TRIM65: variants seen among roughly 807,000 people sequenced by gnomAD.
TRIM65 encodes the protein E3 ubiquitin-protein ligase TRIM65.
In TRIM65, 46 loss-of-function variants were observed where a neutral mutation model predicts 36.1. The observed-to-expected ratio is 1.27, with a 90% CI of 1.01 to 1.63. The LOEUF (loss-of-function observed/expected upper bound fraction) is 1.63, where lower values mean the gene tolerates loss of function less well. Among genes scored for constraint, TRIM65 ranks in the 40% most tolerant of loss-of-function variants. TRIM65 has a pLI of 0.00. For synonymous variants in TRIM65, 346 were observed against 313.6 expected (o/e 1.10, Z -1.09); for missense variants, 708 against 696.6 (o/e 1.02, Z -0.18).
chr17:75,896,469 C>T, intron 1 of TRIM65, 55 bp downstream of exon 1: 3 of 1,285,434 alleles, frequency 2.3e-6, no homozygotes, highest in South Asian at 2.2e-5. Context: ...AGTCACCCGG[C>T]GGTGGCCAGG....
intron 1 of TRIM65, among the ~76,000 whole-genome samples, chr17:75,895,021 C>T (rs553138773): frequency 5.3e-4 from 80 of 152,202 alleles, no homozygotes; most frequent in Admixed American, 9.2e-4. Context: ...GCCACAGGCC[C>T]GTCCCCTGGT....
At position 75,896,519 on chromosome 17, in the gene TRIM65, G is replaced by A. The variant is rs55861951; in HGVS notation, c.414+5C>T. 61,218 of 1,320,856 alleles carry A rather than the reference G, an allele frequency of 0.046. 1,864 individuals are homozygous for A. The highest frequency in any genetic ancestry group is 0.11 in the South Asian group (5,672 of 51,630). 81.8% of individuals were successfully genotyped at this position (1,320,856 alleles called of 1,614,324 possible). ...GACCCCTCCCGCTCCCGGCGGATGC[G>A]TCACCTCGCGCTTGAGGCGCTCGGC... On this transcript the variant is annotated splice_donor_5th_base_variant and intron_variant, in intron 1 of 5. Transcript: ENST00000269383.
chr17:75,892,708 G>C (rs750848640), intron 2 of TRIM65, 47 bp downstream of exon 2: 1 of 1,551,392 alleles, frequency 6.4e-7, no homozygotes, highest in Non-Finnish European at 8.8e-7. Flanking sequence ...GGCCGCCCCA[G>C]GATGCAGTGT....
chr17:75,890,599 C>T lies in TRIM65; in HGVS notation c.*180G>A. Reference sequence around the variant, plus strand: ...TTTATCCCCCTCCTAGACTGTGTCCCCTTCAAAAAGGCTGCAACAGTGAAC... The same window carrying T: ...TTTATCCCCCTCCTAGACTGTGTCCTCTTCAAAAAGGCTGCAACAGTGAAC... On this transcript the variant is annotated 3_prime_UTR_variant, in exon 6 of 6. Transcript: ENST00000269383. 1 of 557,894 alleles carries T rather than the reference C, an allele frequency of 1.8e-6. No homozygotes were observed. The highest frequency in any genetic ancestry group is 3.7e-5 in the Admixed American group (1 of 26,682). 34.6% of individuals were successfully genotyped at this position (557,894 alleles called of 1,614,324 possible).
intron 1 of TRIM65, among the ~76,000 whole-genome samples, chr17:75,895,077 C>A (rs1470291875): frequency 6.6e-6 from 1 of 152,206 alleles, no homozygotes; most frequent in African/African-American, 2.4e-5. Flanking sequence ...AGGCCAAACT[C>A]TGCCCTCCAC....
Position 75,892,757 on chromosome 17 carries a change from G to C in TRIM65, c.508C>G (p.Gln170Glu). The part of the protein sequence containing the change: ...LELRKQSSQI[Q>E]NSACILASWV... ...GCGGGCAGGCACAGGCCTCGTACCT[G>C]GATCTGGCTGCTTTGCTTGCGCAGC... Residue 170 changes from glutamine to glutamate, a missense_variant and splice_region_variant, in exon 2 of 6, where the codon CAG becomes GAG. Physicochemically the swap from Gln to Glu is conservative, Grantham distance 29 (BLOSUM62 2). Coordinates refer to ENST00000269383, the MANE Select transcript of TRIM65 (RefSeq NM_173547.4). 6.2e-7 allele frequency: 1 copy of C among 1,603,410 alleles called. No individual in the cohort carries two copies. The highest frequency in any genetic ancestry group is 8.5e-7 in the Non-Finnish European group (1 of 1,179,766).
chr17:75,894,257 C>T (rs1423988593), intron 1 of TRIM65, among the ~76,000 whole-genome samples: 1 of 152,280 alleles, frequency 6.6e-6, no homozygotes, highest in East Asian at 1.9e-4. Flanking sequence ...TCCCATCCAG[C>T]GTCCCTGCGC....
chr17:75,880,666 G>A (rs1026577657), intron 4 of TRIM65: 1 of 150,622 alleles, frequency 6.6e-6, no homozygotes, highest in African/African-American at 2.5e-5. Flanking sequence ...GTTGGAGAGA[G>A]GCCCAGGCCC....
Position 75,890,578 on chromosome 17 carries a change from T to C in TRIM65, c.*201A>G, listed in dbSNP as rs2065250319. The C allele has an allele frequency of 4.0e-6, 2 of 502,026 alleles. No homozygotes were observed. The highest frequency in any genetic ancestry group is 3.4e-6 in the Non-Finnish European group (1 of 292,254). The allele number at this position is 502,026 out of a possible 1,614,324, so 31.1% of individuals were successfully genotyped here. A position where few individuals can be genotyped will look rare whatever the true frequency, so the allele number is the denominator to read the frequency against. ...CTCTGGGGCAAGGGCATCCCATTTA[T>C]CCCCCTCCTAGACTGTGTCCCCTTC... On this transcript the variant is annotated 3_prime_UTR_variant, in exon 6 of 6. Transcript: ENST00000269383.
intron 5 of TRIM65, 33 bp from the exon 6 acceptor site, chr17:75,891,380 G>A (rs1409752462): frequency 2.5e-6 from 4 of 1,606,464 alleles, no homozygotes; most frequent in Non-Finnish European, 3.4e-6. Flanking sequence ...AGTGGGCTGG[G>A]GGAAGACAGC....
intron 5 of TRIM65, 152 bp from the exon 6 acceptor site, chr17:75,891,499 A>C (rs1022334725): frequency 3.1e-5 from 27 of 859,194 alleles, no homozygotes; most frequent in Non-Finnish European, 4.5e-5. Context: ...GGAATCCTCT[A>C]TCAGCCCCGT....
At position 75,891,846 on chromosome 17, in the gene TRIM65, T is replaced by C; in HGVS notation, c.952A>G (p.Thr318Ala). 6.2e-7 allele frequency: 1 copy of C among 1,612,832 alleles called. No individual in the cohort carries two copies. Among genetic ancestry groups the C allele is most frequent in the Non-Finnish European group, 8.5e-7 (1 of 1,179,414 alleles). ...APGPLAPVPSTVCPLRRKLWQ... is the reference protein window; with the variant it reads ...APGPLAPVPSAVCPLRRKLWQ... ...AGTTTCCTCCTCAGTGGACAAACTG[T>C]GCTTGGGACCGGTGCCAGGGGACCT... Residue 318 changes from threonine (T) to alanine (A), a missense_variant, in exon 5 of 6, where the codon ACA (threonine) becomes GCA (alanine). Thr to Ala is a moderately conservative substitution (Grantham distance 58, BLOSUM62 0). Transcript: ENST00000269383.
chr17:75,881,714 C>T (rs767782012), intron 4 of TRIM65, among the ~76,000 whole-genome samples: 1 of 150,572 alleles, frequency 6.6e-6, no homozygotes, highest in Non-Finnish European at 1.5e-5. Context: ...GTGCAATCTG[C>T]TCCTGGGGGC....
chr17:75,885,397 C>A (rs149949160), downstream of TRIM65, among the ~76,000 whole-genome samples: 2 of 152,234 alleles, frequency 1.3e-5, no homozygotes, highest in African/African-American at 4.8e-5. Flanking sequence ...CCAGTTCAGC[C>A]TCCCAAGTAG....
intron 4 of TRIM65, among the ~76,000 whole-genome samples, chr17:75,883,465 A>G (rs1362203138): frequency 2.0e-5 from 3 of 151,250 alleles, no homozygotes; most frequent in Non-Finnish European, 4.4e-5. Flanking sequence ...TTTTTTGGTT[A>G]AAAAGCTTTT....
Position 75,892,325 on chromosome 17 carries a change from C to T in TRIM65, c.686G>A (p.Arg229His), listed in dbSNP as rs143614853. 138 of 1,612,436 alleles carry T rather than the reference C, an allele frequency of 8.6e-5. No individual in the cohort carries two copies. Among genetic ancestry groups the T allele is most frequent in the Non-Finnish European group, 1.1e-4 (125 of 1,179,898 alleles). ...RLRVHLEAVARHGCRIRELLE... is the reference protein window; with the variant it reads ...RLRVHLEAVAHHGCRIRELLE... The stretch of plus-strand genomic sequence containing the variant: ...GAGCTCCCGGATCCTGCAGCCATGG[C>T]GAGCCACAGCCTCCAAATGGACCCG... The change falls in exon 3 of 6, where the codon CGC (arginine) becomes CAC (histidine). Residue 229 changes from arginine (R) to histidine (H), a missense_variant. Physicochemically the swap from Arg to His is conservative, Grantham distance 29. Transcript: ENST00000269383.
At chr17:75,895,994 A>G (rs890110283) in intron 1 of TRIM65, among the ~76,000 whole-genome samples, 2 of 152,228 alleles carry the variant, frequency 1.3e-5, no homozygotes, top group African/African-American at 4.8e-5. Context: ...GCAGCTTCTG[A>G]GACCCACCCT....
At chr17:75,892,531 G>A in intron 2 of TRIM65, 31 bp from the exon 3 acceptor site, 2 of 1,591,232 alleles carry the variant, frequency 1.3e-6, no homozygotes, top group Non-Finnish European at 1.7e-6. Context: ...CTTCAGGGTG[G>A]CCAGGGCCCT....
chr17:75,892,237 G>T lies in TRIM65; in HGVS notation c.744+30C>A, dbSNP rs541307266. On this transcript the variant is annotated intron_variant, in intron 3 of 5. Transcript: ENST00000269383. Reference sequence around the variant, plus strand: ...CTGGGCCTGAGGGGCAGGGAAGCAAGTCCGCCACCTATGCCCTGAGCCCTC... The same window carrying T: ...CTGGGCCTGAGGGGCAGGGAAGCAATTCCGCCACCTATGCCCTGAGCCCTC... 13 of 1,597,498 alleles carry T rather than the reference G, an allele frequency of 8.1e-6. No individual in the cohort carries two copies. The South Asian group carries it at 1.5e-4, about 18-fold the overall frequency.
Sources: allele counts gnomAD v4.1 joint callset (sites outside exome capture counted in the v4.1 genomes callset), GRCh38; gene constraint gnomAD v4.1.1; transcripts MANE v1.5; gene names NCBI Gene and HGNC (gene_info 2026-07-23, HGNC 2026-07-21).